Variants in CYREN observed in about 807,000 individuals in gnomAD.
The protein encoded by CYREN is cell cycle regulator of non-homologous end joining.
A neutral mutation model predicts 9.7 loss-of-function variants in CYREN; 7 were observed. That is an observed-to-expected ratio of 0.72 (90% CI 0.41 to 1.36). The LOEUF (loss-of-function observed/expected upper bound fraction) is 1.36, where lower values mean the gene tolerates loss of function less well. Ranked by LOEUF, CYREN falls within the 40% of genes most tolerant of loss-of-function variation. The pLI is 0.01. For missense variants in CYREN, 215 were observed against 198.1 expected (o/e 1.09, Z -0.51); for synonymous variants, 76 against 77.9 (o/e 0.98, Z 0.13).
At chr7:135,106,629 G>A (rs1824763029) in intron 2 of CYREN, among the ~76,000 whole-genome samples, 1 of 152,132 alleles carries the variant, frequency 6.6e-6, no homozygotes, top group Non-Finnish European at 1.5e-5. Flanking sequence ...ATTTTGTTGA[G>A]GATTTTTGCA....
chr7:135,137,426 T>C (rs1829371705), intron 2 of CYREN, among the ~76,000 whole-genome samples: 1 of 151,776 alleles, frequency 6.6e-6, no homozygotes, highest in African/African-American at 2.4e-5. Context: ...ATGTAACGTG[T>C]AATGGGACTA....
At chr7:135,145,606 A>C in intron 2 of CYREN, among the ~76,000 whole-genome samples, 1 of 152,240 alleles carries the variant, frequency 6.6e-6, no homozygotes, top group Non-Finnish European at 1.5e-5. Flanking sequence ...GGGTTGGATT[A>C]GTGTTAAGCA....
intron 2 of CYREN, among the ~76,000 whole-genome samples, chr7:135,150,092 T>C (rs570445968): frequency 6.6e-6 from 1 of 152,298 alleles, no homozygotes; most frequent in East Asian, 1.9e-4. Context: ...AGATCATTGA[T>C]TTTTTTATCT....
chr7:135,160,891 A>G (rs1321158658), downstream of CYREN, among the ~76,000 whole-genome samples: 1 of 152,222 alleles, frequency 6.6e-6, no homozygotes, highest in African/African-American at 2.4e-5. Flanking sequence ...CTCTTGCTGC[A>G]TGGATCAGAT....
chr7:135,109,695 A>G (rs1825328917), intron 2 of CYREN, among the ~76,000 whole-genome samples: 1 of 152,136 alleles, frequency 6.6e-6, no homozygotes, highest in Non-Finnish European at 1.5e-5. Context: ...CTTGGTCAGG[A>G]AATTCCTCCC....
intron 2 of CYREN, among the ~76,000 whole-genome samples, chr7:135,100,994 T>C (rs138355727): frequency 1.9e-4 from 29 of 152,336 alleles, no homozygotes; most frequent in African/African-American, 7.0e-4. Flanking sequence ...TGAGGTGTAA[T>C]ATGCAAATAT....
intron 2 of CYREN, among the ~76,000 whole-genome samples, chr7:135,128,161 G>A (rs1157406657): frequency 1.3e-5 from 2 of 151,720 alleles, no homozygotes; most frequent in Non-Finnish European, 2.9e-5. Context: ...GTGTGGTGGT[G>A]AGTGCCTGTA....
upstream of CYREN, among the ~76,000 whole-genome samples, chr7:135,171,465 A>G (rs1000496293): frequency 9.9e-5 from 15 of 152,192 alleles, no homozygotes; most frequent in African/African-American, 3.1e-4. Context: ...GATTCCAGAC[A>G]TTCTATAGAA....
intron 2 of CYREN, chr7:135,128,717 G>GA: frequency 5.8e-6 from 8 of 1,369,946 alleles, no homozygotes; most frequent in South Asian, 1.2e-5. Flanking sequence ...TTGATTCTCA[G>GA]AAAAAAAGTG....
At chr7:135,106,656 A>T (rs1177780486) in intron 2 of CYREN, among the ~76,000 whole-genome samples, 3 of 152,146 alleles carry the variant, frequency 2.0e-5, no homozygotes, top group Non-Finnish European at 4.4e-5. Context: ...TTCACCAAGG[A>T]TATTGGCCTG....
At chr7:135,156,236 G>T (rs1829789520) in intron 2 of CYREN, among the ~76,000 whole-genome samples, 1 of 152,110 alleles carries the variant, frequency 6.6e-6, no homozygotes, top group African/African-American at 2.4e-5. Context: ...CTTTTGCAAT[G>T]TATTTTCCTG....
chr7:135,115,101 G>A (rs1003217043), intron 2 of CYREN, among the ~76,000 whole-genome samples: 1 of 152,064 alleles, frequency 6.6e-6, no homozygotes, highest in African/African-American at 2.4e-5. Context: ...TGAGATGTCA[G>A]CTTCATAAGG....
chr7:135,171,526 C>T (rs890018286), upstream of CYREN, among the ~76,000 whole-genome samples: 9 of 115,042 alleles, frequency 7.8e-5, no homozygotes, highest in Non-Finnish European at 1.6e-4. Flanking sequence ...ACCATCGGTG[C>T]ATGCAGCCCC....
chr7:135,096,584 C>CATAGATAGATACATAG (rs1822814229), intron 2 of CYREN, among the ~76,000 whole-genome samples: 18 of 88,860 alleles, frequency 2.0e-4, no homozygotes, highest in Admixed American at 1.1e-3. Flanking sequence ...TAGATAGATA[C>CATAGATAGATACATAG]ATAGATAGAT....
chr7:135,099,495 C>T (rs1823436275), intron 2 of CYREN, among the ~76,000 whole-genome samples: 1 of 152,164 alleles, frequency 6.6e-6, no homozygotes, highest in East Asian at 1.9e-4. Flanking sequence ...GACCTAACTT[C>T]AGATATTTTA....
chr7:135,134,390 G>A (rs1195290633), intron 2 of CYREN, among the ~76,000 whole-genome samples: 2 of 147,464 alleles, frequency 1.4e-5, no homozygotes, highest in East Asian at 4.0e-4. Context: ...CTCCCCCGAG[G>A]AAAACTTCCC....
At chr7:135,149,711 G>A (rs1212496269) in intron 2 of CYREN, among the ~76,000 whole-genome samples, 1 of 152,164 alleles carries the variant, frequency 6.6e-6, no homozygotes, top group Non-Finnish European at 1.5e-5. Flanking sequence ...AGTGTTGATA[G>A]GGAAACTCTG....
chr7:135,138,461 G>C (rs930674654), intron 2 of CYREN, among the ~76,000 whole-genome samples: 7 of 151,934 alleles, frequency 4.6e-5, no homozygotes, highest in African/African-American at 1.7e-4. Context: ...GAAGCAAGTG[G>C]TATAGGGTTA....
At chr7:135,117,382 AT>A (rs1235117865) in intron 2 of CYREN, among the ~76,000 whole-genome samples, 1 of 152,188 alleles carries the variant, frequency 6.6e-6, no homozygotes, top group Non-Finnish European at 1.5e-5. Context: ...CAGCCCTATG[AT>A]TACATTCAGA....
Sources: gnomAD v4.1 joint callset for allele counts (sites outside exome capture counted in the v4.1 genomes callset) on GRCh38, gnomAD v4.1.1 for gene constraint, MANE v1.5 for transcripts, NCBI Gene and HGNC (gene_info 2026-07-23, HGNC 2026-07-21) for gene names.